The following CHMP2A variants were observed in gnomAD, a reference collection of about 807,000 sequenced individuals.
CHMP2A encodes the protein charged multivesicular body protein 2A.
Under a neutral mutation model 21.8 loss-of-function variants are expected in CHMP2A, and 6 were observed. The observed-to-expected ratio is 0.28, with a 90% CI of 0.15 to 0.54. The LOEUF is 0.54. Among genes scored for constraint, CHMP2A ranks in the 20% least tolerant of loss-of-function variants. The pLI, the probability that CHMP2A is intolerant of heterozygous loss-of-function variation, is 0.95. For missense variants in CHMP2A, 303 were observed against 293.9 expected, an observed-to-expected ratio of 1.03 and a Z score of -0.23; for synonymous variants, 125 against 107.0, an observed-to-expected ratio of 1.17 and a Z score of -1.04.
In CHMP2A at chr19:58,554,246, AT is replaced by A; in HGVS notation, c.-24-11del. 1.3e-6 allele frequency: 2 copies of A among 1,594,200 alleles called. No homozygotes were observed. On this transcript the variant is annotated splice_polypyrimidine_tract_variant and intron_variant, in intron 1 of 5. Transcript: ENST00000312547. ...AAGCTCACTGGCAGGCCTGAGACAG[AT>A]GTGAGTGAGGCCCAGTTGTAGGGCA...
chr19:58,551,925 G>A lies in CHMP2A; in HGVS notation c.522C>T (p.Ser174=), dbSNP rs763673960. 1.2e-5 allele frequency: 20 copies of A among 1,614,108 alleles called. No individual in the cohort carries two copies. In the East Asian group the frequency reaches 4.2e-4, roughly 34 times the overall value. ...VSQVLDELGL[S]LTDELSNLPS... Reference sequence around the variant, plus strand: ...ACTCACTCGACAGCTCATCTGTTAGGCTAAGTCCCAGCTCATCCAGAACCT... The same window carrying A: ...ACTCACTCGACAGCTCATCTGTTAGACTAAGTCCCAGCTCATCCAGAACCT... Residue 174 remains serine, a synonymous_variant, in exon 5 of 6, where the codon AGC becomes AGT. Coordinates refer to ENST00000312547, the MANE Select transcript of CHMP2A (RefSeq NM_014453.4).
chr19:58,554,327 G>A (rs2053867730), intron 1 of CHMP2A, 91 bp from the exon 2 acceptor site: 3 of 1,201,334 alleles, frequency 2.5e-6, no homozygotes, highest in Non-Finnish European at 3.5e-6. Flanking sequence ...TGCCAAATGG[G>A]AAGGGGCTAA....
chr19:58,552,840 G>A (rs961299601), intron 2 of CHMP2A, among the ~76,000 whole-genome samples: 20 of 152,016 alleles, frequency 1.3e-4, no homozygotes, highest in African/African-American at 4.1e-4. Flanking sequence ...CCCATACCTC[G>A]AACTATCCAG....
At chr19:58,554,609 C>A in intron 1 of CHMP2A, 1 of 209,634 alleles carries the variant, frequency 4.8e-6, no homozygotes, top group Non-Finnish European at 9.6e-6. Flanking sequence ...CTGTGGGCAC[C>A]GAGGACAGAG....
Position 58,552,046 on chromosome 19 carries a change from T to G in CHMP2A, c.479+9A>C. ...AACATCTCCACCCTCCCATCCAGTT[T>G]CCCCATACCTCTCCTCTTCATCTTC... On this transcript the variant is annotated intron_variant, in intron 4 of 5. Coordinates refer to ENST00000312547, the MANE Select transcript of CHMP2A (RefSeq NM_014453.4). 1 of 1,614,160 alleles carries G rather than the reference T, an allele frequency of 6.2e-7. No individual in the cohort carries two copies.
In CHMP2A at chr19:58,554,201, C is replaced by CAAT. The variant is rs1435502300; in HGVS notation, c.9_11dup (p.Leu4dup). 6.2e-7 allele frequency: 1 copy of CAAT among 1,613,170 alleles called. No individual in the cohort carries two copies. The highest frequency in any genetic ancestry group is 1.1e-5 in the South Asian group (1 of 91,052). The stretch of plus-strand genomic sequence containing the variant: ...CCTCTGGCGTCTTCCGGCGCCCGAA[C>CAAT]AATAGGTCCATGATGGTAGAAGCTC... On this transcript the variant is annotated inframe_insertion, in exon 2 of 6. Transcript: ENST00000312547.
chr19:58,553,651 G>A (rs948007179), intron 2 of CHMP2A: 1 of 271,732 alleles, frequency 3.7e-6, no homozygotes, highest in South Asian at 3.4e-5. Context: ...GGGATTACAG[G>A]TCTCTGAGCT....
In CHMP2A at chr19:58,552,391, A is replaced by G. The variant is rs756813229; in HGVS notation, c.216T>C (p.Tyr72=). ...CCCGCATCAATACAAACTTGCGCAC[A>G]TAGCGCCGGGTGCGCACCAAGTCTT... ...MAKDLVRTRR[Y]VRKFVLMRAN... is the part of the protein sequence containing the mutation. The change falls in exon 3 of 6, where the codon TAT becomes TAC. Residue 72 remains tyrosine, a synonymous_variant. Coordinates refer to ENST00000312547, the MANE Select transcript of CHMP2A (RefSeq NM_014453.4). 15 of 1,614,222 alleles carry G rather than the reference A, an allele frequency of 9.3e-6. No individual in the cohort carries two copies. The highest frequency in any genetic ancestry group is 1.2e-5 in the Non-Finnish European group (14 of 1,180,036).
intron 2 of CHMP2A, 100 bp from the exon 3 acceptor site, chr19:58,552,538 C>T: frequency 1.6e-6 from 2 of 1,215,130 alleles, no homozygotes; most frequent in Non-Finnish European, 2.3e-6. Context: ...GCCCAATTTG[C>T]AATTCCACTT....
intron 2 of CHMP2A, chr19:58,553,710 T>C (rs1258329591): frequency 6.0e-6 from 2 of 331,562 alleles, no homozygotes; most frequent in African/African-American, 2.2e-5. Flanking sequence ...GCTCCCACTT[T>C]GGCCCAGAGT....
chr19:58,553,998 AG>A, intron 2 of CHMP2A, 46 bp downstream of exon 2: 1 of 1,607,630 alleles, frequency 6.2e-7, no homozygotes, highest in East Asian at 2.2e-5. Context: ...CACTGCTGTT[AG>A]AGCCGTGCCT....
At position 58,552,196 on chromosome 19, in the gene CHMP2A, C is replaced by G; in HGVS notation, c.349-11G>C. On this transcript the variant is annotated splice_polypyrimidine_tract_variant and intron_variant, in intron 3 of 5. Transcript: ENST00000312547. ...CTGGGGCAACTTCAGCTGGAAGTGACAGGAGTGTGAGTGTGATCCCCATGG... is the reference window on the plus strand; with the variant it reads ...CTGGGGCAACTTCAGCTGGAAGTGAGAGGAGTGTGAGTGTGATCCCCATGG... The G allele has an allele frequency of 1.2e-6, 2 of 1,614,156 alleles. No individual in the cohort carries two copies. Among genetic ancestry groups the G allele is most frequent in the Non-Finnish European group, 1.7e-6 (2 of 1,180,028 alleles).
At position 58,552,451 on chromosome 19, in the gene CHMP2A, C is replaced by CA; in HGVS notation, c.169-14dup. The CA allele has an allele frequency of 6.2e-7, 1 of 1,608,476 alleles. No individual in the cohort carries two copies. The highest frequency in any genetic ancestry group is 1.3e-5 in the African/African-American group (1 of 74,994). ...TGCGAACAGCATCCTGCAGAGTAGA[C>CA]AAGGGTATCAAGGACACAGGAATGA... is the stretch of plus-strand genomic sequence containing the variant. On this transcript the variant is annotated splice_polypyrimidine_tract_variant and intron_variant, in intron 2 of 5. Coordinates refer to ENST00000312547, the MANE Select transcript of CHMP2A (RefSeq NM_014453.4).
Position 58,554,088 on chromosome 19 carries a change from T to G in CHMP2A, c.125A>C (p.Lys42Thr), listed in dbSNP as rs1192124915. The G allele has an allele frequency of 6.2e-7, 1 of 1,614,152 alleles. No homozygotes were observed. The highest frequency in any genetic ancestry group is 1.7e-5 in the Admixed American group (1 of 60,034). ...CATCTTCTTAATGTCTGCAATGATT[T>G]TCTTCTCCTGGGTCTCTAGTTTCTG... ...ERQKLETQEK[K>T]IIADIKKMAK... The change falls in exon 2 of 6, where the codon AAA (lysine) becomes ACA (threonine). Residue 42 changes from lysine to threonine, a missense_variant. By Grantham distance (78) the Lys-to-Thr change is moderately conservative. Coordinates refer to ENST00000312547, the MANE Select transcript of CHMP2A (RefSeq NM_014453.4).
rs568590006 is a variant in CHMP2A, at chr19:58,551,630, C to A, written c.*19G>T. ...AAGATCCTGGGCATCCACTGGTTAT[C>A]TCGGAGTGGCAGGGGCACTCAGTCC... On this transcript the variant is annotated 3_prime_UTR_variant, in exon 6 of 6. Coordinates refer to ENST00000312547, the MANE Select transcript of CHMP2A (RefSeq NM_014453.4). 5.6e-6 allele frequency: 9 copies of A among 1,611,872 alleles called. No homozygotes were observed. The African/African-American group carries it at 1.1e-4, about 19-fold the overall frequency.
At chr19:58,552,775 A>T (rs2053848252) in intron 2 of CHMP2A, among the ~76,000 whole-genome samples, 1 of 152,094 alleles carries the variant, frequency 6.6e-6, no homozygotes, top group South Asian at 2.1e-4. Flanking sequence ...GCCATTCCTC[A>T]ATTTTTATTC....
At position 58,552,368 on chromosome 19, in the gene CHMP2A, C is replaced by G; in HGVS notation, c.239G>C (p.Arg80Pro). The G allele has an allele frequency of 6.2e-7, 1 of 1,614,188 alleles. No individual in the cohort carries two copies. Among genetic ancestry groups the G allele is most frequent in the Non-Finnish European group, 8.5e-7 (1 of 1,180,042 alleles). ...RRYVRKFVLM[R>P]ANIQAVSLKI... ...GAGGGACACAGCCTGGATGTTGGCC[C>G]GCATCAATACAAACTTGCGCACATA... The change falls in exon 3 of 6, where the codon CGG (arginine) becomes CCG (proline). Residue 80 changes from arginine to proline, a missense_variant. By Grantham distance (103) the Arg-to-Pro change is moderately radical. Coordinates refer to ENST00000312547, the MANE Select transcript of CHMP2A (RefSeq NM_014453.4).
chr19:58,551,722 TCTGCTTTTTTCC>T lies in CHMP2A; in HGVS notation c.584_595del (p.Gly195_Ala198del). On this transcript the variant is annotated inframe_deletion, in exon 6 of 6. Coordinates refer to ENST00000312547, the MANE Select transcript of CHMP2A (RefSeq NM_014453.4). ...ATCAGCTAGGGCTGAGGCTGCGGCC[TCTGCTTTTTTCC>T]CACCAGCAGCCACACTAAGCGAGCC... 1 of 1,614,140 alleles carries T rather than the reference TCTGCTTTTTTCC, an allele frequency of 6.2e-7. No homozygotes were observed. The highest frequency in any genetic ancestry group is 8.5e-7 in the Non-Finnish European group (1 of 1,180,032).
Position 58,554,157 on chromosome 19 carries a change from T to G in CHMP2A, c.56A>C (p.Gln19Pro). The change falls in exon 2 of 6, where the codon CAG becomes CCG. Residue 19 changes from glutamine (Q) to proline (P), a missense_variant. Coordinates refer to ENST00000312547, the MANE Select transcript of CHMP2A (RefSeq NM_014453.4). The part of the protein sequence containing the change: ...KTPEELLRQN[Q>P]RALNRAMREL... The stretch of plus-strand genomic sequence containing the variant: ...CCGCATGGCACGGTTCAGGGCCCTC[T>G]GGTTCTGCCGCAGTAGCTCCTCTGG... The G allele has an allele frequency of 6.2e-7, 1 of 1,614,150 alleles. No individual in the cohort carries two copies. Among genetic ancestry groups the G allele is most frequent in the Non-Finnish European group, 8.5e-7 (1 of 1,180,012 alleles).
Sources: gnomAD v4.1 joint callset for allele counts (sites outside exome capture counted in the v4.1 genomes callset) on GRCh38, gnomAD v4.1.1 for gene constraint, MANE v1.5 for transcripts, NCBI Gene and HGNC (gene_info 2026-07-23, HGNC 2026-07-21) for gene names.